The following CLIP1 variants were observed in gnomAD, a reference collection of about 807,000 sequenced individuals.
CLIP1 encodes the protein CAP-Gly domain containing linker protein 1, also known as CAP-Gly domain-containing linker protein 1.
Under a neutral mutation model 161.6 loss-of-function variants are expected in CLIP1, and 66 were observed. The observed-to-expected ratio is 0.41, with a 90% confidence interval of 0.33 to 0.50. CLIP1 has a LOEUF of 0.50. CLIP1 is among the 20% of genes least tolerant of loss of function. The pLI is 0.27. For synonymous variants in CLIP1, 598 were observed against 626.2 expected, an observed-to-expected ratio of 0.96 and a Z score of 0.67; for missense variants, 1,376 against 1,702.0, an observed-to-expected ratio of 0.81 and a Z score of 3.37.
At chr12:122,367,641 G>C (rs1954234668) in intron 3 of CLIP1, among the ~76,000 whole-genome samples, 1 of 152,142 alleles carries the variant, frequency 6.6e-6, no homozygotes, top group South Asian at 2.1e-4. Context: ...ATAAACAGAA[G>C]GCACTATTAT....
At position 122,333,058 on chromosome 12, in the gene CLIP1, T is replaced by G. The variant is rs1952058759; in HGVS notation, c.2796A>C (p.Glu932Asp). 2 of 1,613,536 alleles carry G rather than the reference T, an allele frequency of 1.2e-6. No homozygotes were observed. Among genetic ancestry groups the G allele is most frequent in the East Asian group, 2.2e-5 (1 of 44,890 alleles). ...AKEKLENDIA[E>D]IMKMSGDNSS... Reference sequence around the variant, plus strand: ...AGTTATCTCCTGACATCTTCATTATTTCTGCAATGTCATTTTCCAGTTTTT... The same window carrying G: ...AGTTATCTCCTGACATCTTCATTATGTCTGCAATGTCATTTTCCAGTTTTT... The change falls in exon 15 of 26, where the codon GAA becomes GAC. Residue 932 changes from glutamate (E) to aspartate (D), a missense_variant. Coordinates refer to ENST00000620786, the MANE Select transcript of CLIP1 (RefSeq NM_001247997.2).
Position 122,272,707 on chromosome 12 carries a change from C to T in CLIP1, c.*168G>A, listed in dbSNP as rs540919755. On this transcript the variant is annotated 3_prime_UTR_variant, in exon 26 of 26. Transcript: ENST00000620786. ...TAAATATTTATTATTCTAACTCATA[C>T]GGGGAGACTAAAGGGCAATTTGTTG... 4.0e-5 allele frequency: 25 copies of T among 621,060 alleles called. No homozygotes were observed. Among genetic ancestry groups the T allele is most frequent in the African/African-American group, 2.2e-4 (12 of 54,258 alleles). The allele number at this position is 621,060 out of a possible 1,614,324, so 38.5% of individuals were successfully genotyped here. A position where few individuals can be genotyped will look rare whatever the true frequency, so the allele number is the denominator to read the frequency against.
intron 1 of CLIP1, among the ~76,000 whole-genome samples, chr12:122,383,882 G>A (rs184883544): frequency 3.1e-4 from 47 of 151,702 alleles, no homozygotes; most frequent in Admixed American, 1.4e-3. Context: ...AATAAGCTGA[G>A]CATATTTGAA....
chr12:122,340,299 C>T (rs1211926523), intron 11 of CLIP1, among the ~76,000 whole-genome samples: 12 of 152,048 alleles, frequency 7.9e-5, no homozygotes, highest in Admixed American at 5.2e-4. Context: ...AGGCTGATCT[C>T]GAACTCCTGA....
At chr12:122,418,281 C>G (rs1956822632) in intron 1 of CLIP1, among the ~76,000 whole-genome samples, 1 of 149,358 alleles carries the variant, frequency 6.7e-6, no homozygotes. Flanking sequence ...TTACAGCCCA[C>G]AGATAGGTAT....
intron 1 of CLIP1, among the ~76,000 whole-genome samples, chr12:122,388,862 A>C (rs1450933025): frequency 6.6e-6 from 1 of 152,148 alleles, no homozygotes; most frequent in Non-Finnish European, 1.5e-5. Context: ...GGCATGAACA[A>C]CTGCACCCAG....
intron 1 of CLIP1, among the ~76,000 whole-genome samples, chr12:122,408,255 T>C (rs542492939): frequency 9.3e-4 from 142 of 152,008 alleles, no homozygotes; most frequent in African/African-American, 3.2e-3. Flanking sequence ...AAGGTTCTTG[T>C]TTTTATTTTG....
At chr12:122,288,627 C>A in intron 20 of CLIP1, 86 bp from the exon 21 acceptor site, 1 of 1,147,668 alleles carries the variant, frequency 8.7e-7, no homozygotes, top group Non-Finnish European at 1.3e-6. Context: ...CCCCCAGGCT[C>A]CAGGACAGCT....
chr12:122,278,214 AG>A lies in CLIP1; in HGVS notation c.3917-12del. The A allele has an allele frequency of 6.8e-7, 1 of 1,461,542 alleles. No homozygotes were observed. The highest frequency in any genetic ancestry group is 9.1e-7 in the Non-Finnish European group (1 of 1,096,466). 90.5% of individuals were successfully genotyped at this position (1,461,542 alleles called of 1,614,324 possible). On this transcript the variant is annotated splice_polypyrimidine_tract_variant and intron_variant, in intron 23 of 25. Transcript: ENST00000620786. Reference sequence around the variant, plus strand: ...GAGTGTCTGTATTACCTTATATTTGAGGAAAAAAAAAAAAAAACAAGTGGAG... The same window carrying A: ...GAGTGTCTGTATTACCTTATATTTGAGAAAAAAAAAAAAAAACAAGTGGAG...
At chr12:122,309,992 G>T in intron 19 of CLIP1, 110 bp from the exon 20 acceptor site, 1 of 1,212,292 alleles carries the variant, frequency 8.2e-7, no homozygotes, top group Non-Finnish European at 1.2e-6. Context: ...TCACGTGCCT[G>T]ATAGGATCTA....
chr12:122,369,890 T>C (rs1306144950), intron 3 of CLIP1, among the ~76,000 whole-genome samples: 1 of 150,796 alleles, frequency 6.6e-6, no homozygotes, highest in Non-Finnish European at 1.5e-5. Context: ...GGGCCAGGCA[T>C]GGTGGCTCAC....
At chr12:122,321,584 T>A (rs1951506363) in intron 17 of CLIP1, among the ~76,000 whole-genome samples, 1 of 152,010 alleles carries the variant, frequency 6.6e-6, no homozygotes, top group Non-Finnish European at 1.5e-5. Context: ...AATGGCATGA[T>A]CTCGGTTTCC....
chr12:122,291,322 G>C (rs574521824), intron 20 of CLIP1, among the ~76,000 whole-genome samples: 1 of 150,860 alleles, frequency 6.6e-6, no homozygotes, highest in East Asian at 2.0e-4. Context: ...CCCAAAGAGT[G>C]GGGATTACAG....
chr12:122,390,309 T>C (rs1391789297), intron 1 of CLIP1, among the ~76,000 whole-genome samples: 2 of 139,596 alleles, frequency 1.4e-5, no homozygotes, highest in African/African-American at 5.2e-5. Context: ...TATATGTATA[T>C]ATATATATAT....
intron 20 of CLIP1, among the ~76,000 whole-genome samples, chr12:122,296,082 T>G (rs1950459198): frequency 1.3e-5 from 2 of 152,216 alleles, no homozygotes; most frequent in African/African-American, 4.8e-5. Flanking sequence ...TTATTCAGAG[T>G]GTTCAATCCA....
chr12:122,351,143 G>T lies in CLIP1; in HGVS notation c.1369C>A (p.Gln457Lys), dbSNP rs892360147. 36 of 1,492,110 alleles carry T rather than the reference G, an allele frequency of 2.4e-5. No individual in the cohort carries two copies. The highest frequency in any genetic ancestry group is 1.2e-4 in the Admixed American group (5 of 41,364). 92.4% of individuals were successfully genotyped at this position (1,492,110 alleles called of 1,614,324 possible). A position where few individuals can be genotyped will look rare whatever the true frequency, so the allele number is the denominator to read the frequency against. Residue 457 changes from glutamine to lysine, a missense_variant and splice_region_variant, in exon 9 of 26, where the codon CAA becomes AAA. Physicochemically the swap from Gln to Lys is moderately conservative, Grantham distance 53. This residue lies in a region of CLIP1 where 948 missense variants were observed against 1,134.8 expected (regional missense o/e 0.84). Coordinates refer to ENST00000620786, the MANE Select transcript of CLIP1 (RefSeq NM_001247997.2). ...GGATCTTCAGAAATCTGGCTCTTTT[G>T]CTATCAGTAAAAAAATAAAAAAAAT... is the stretch of plus-strand genomic sequence containing the variant. ...EESITKGDLE[Q>K]KSQISEDPEN...
intron 18 of CLIP1, 85 bp from the exon 19 acceptor site, chr12:122,316,940 C>T (rs752878771): frequency 1.6e-5 from 13 of 813,796 alleles, no homozygotes; most frequent in Non-Finnish European, 5.7e-6. Flanking sequence ...AAAATGTGTA[C>T]TGAAAAGACA....
At chr12:122,336,192 G>A (rs1029406498) in intron 12 of CLIP1, among the ~76,000 whole-genome samples, 1 of 152,124 alleles carries the variant, frequency 6.6e-6, no homozygotes, top group Admixed American at 6.5e-5. Context: ...TATTTAATTA[G>A]ACAGCAAGCA....
chr12:122,348,245 G>GA (rs1952841720), intron 9 of CLIP1, among the ~76,000 whole-genome samples: 1 of 151,854 alleles, frequency 6.6e-6, no homozygotes, highest in Non-Finnish European at 1.5e-5. Flanking sequence ...TCCAGGGAGG[G>GA]AAAAAAGGAC....
Sources: gnomAD v4.1 joint callset for allele counts (sites outside exome capture counted in the v4.1 genomes callset) on GRCh38, gnomAD v4.1.1 for gene constraint, gnomAD v4.1.1 regional missense constraint, MANE v1.5 for transcripts, NCBI Gene and HGNC (gene_info 2026-07-23, HGNC 2026-07-21) for gene names.